ABCC11: variants seen among roughly 807,000 people sequenced by gnomAD.
ABCC11 encodes the protein ATP binding cassette subfamily C member 11, also known as ATP-binding cassette sub-family C member 11.
A neutral mutation model predicts 149.3 loss-of-function variants in ABCC11; 135 were observed. The ratio of observed to expected loss-of-function variants is 0.90; its 90% CI spans 0.79 to 1.04. The LOEUF is 1.04. Ranked by LOEUF, ABCC11 falls within the 50% of genes least tolerant of loss-of-function variation. The probability of loss-of-function intolerance (pLI) is 0.00; values close to 1 mark genes in which losing one functional copy is unlikely to be tolerated. For synonymous variants in ABCC11, 665 were observed against 671.4 expected (o/e 0.99, Z 0.15); for missense variants, 1,680 against 1,722.1 (o/e 0.98, Z 0.43).
At chr16:48,178,259 T>C (rs980170105) in intron 24 of ABCC11, among the ~76,000 whole-genome samples, 37 of 152,232 alleles carry the variant, frequency 2.4e-4, no homozygotes, top group African/African-American at 7.2e-4. Flanking sequence ...ATCTGTGCTC[T>C]TAACCACCAT....
At chr16:48,225,850 A>G (rs1394490115) in intron 4 of ABCC11, among the ~76,000 whole-genome samples, 3 of 152,210 alleles carry the variant, frequency 2.0e-5, no homozygotes, top group African/African-American at 7.2e-5. Context: ...TAGTTTGCGT[A>G]TATAGTGAGA....
At chr16:48,194,095 C>T (rs1967172634) in intron 18 of ABCC11, 113 bp from the exon 19 acceptor site, 2 of 714,476 alleles carry the variant, frequency 2.8e-6, no homozygotes, top group African/African-American at 1.8e-5. Flanking sequence ...TTGAGCCCCA[C>T]CCAATGTGGA....
chr16:48,213,433 G>A lies in ABCC11; in HGVS notation c.1356+10C>T. The A allele has an allele frequency of 6.2e-7, 1 of 1,608,952 alleles. No homozygotes were observed. The highest frequency in any genetic ancestry group is 1.3e-5 in the African/African-American group (1 of 74,830). On this transcript the variant is annotated intron_variant, in intron 10 of 29. Transcript: ENST00000356608. ...GCAGGGGGCCTACAGCCAGTCCCCT[G>A]ATGACCTACCTTGAACCTCATCACT...
Position 48,205,420 on chromosome 16 carries a change from T to C in ABCC11, c.1798A>G (p.Lys600Glu), listed in dbSNP as rs751465756. Reference sequence around the variant, plus strand: ...CCCCTCCCAGGAGCTTACCGGGCCTTGTCATATGCGCCTCCCATGAGGATG... The same window carrying C: ...CCCCTCCCAGGAGCTTACCGGGCCTCGTCATATGCGCCTCCCATGAGGATG... ...ENILMGGAYD[K>E]ARYLQVLHCC... The change falls in exon 13 of 30, where the codon AAG (lysine) becomes GAG (glutamate). Residue 600 changes from lysine to glutamate, a missense_variant. Lys to Glu is a moderately conservative substitution (Grantham distance 56). Coordinates refer to ENST00000356608, the MANE Select transcript of ABCC11 (RefSeq NM_001370497.1). 1.2e-6 allele frequency: 2 copies of C among 1,614,172 alleles called. No homozygotes were observed. Among genetic ancestry groups the C allele is most frequent in the Non-Finnish European group, 1.7e-6 (2 of 1,180,016 alleles).
chr16:48,234,291 G>T (rs566664376), intron 1 of ABCC11, among the ~76,000 whole-genome samples: 6 of 152,198 alleles, frequency 3.9e-5, no homozygotes, highest in Non-Finnish European at 5.9e-5. Flanking sequence ...ACAGCAAAAG[G>T]TAGCAAAATA....
rs750609137 is a variant in ABCC11, at chr16:48,193,912, C to T, written c.2475G>A (p.Trp825Ter). ...CCTGCTCCAACCAGTAGCTCAGCCA[C>T]CAGAAGCTGAAGATCGTTAAGAAGA... ...LIVFLTIFSF[W>*]WLSYWLEQGS... Residue 825 changes from tryptophan (W) to a stop codon, truncating the protein, a stop_gained, in exon 19 of 30, where the codon TGG (tryptophan) becomes TGA (stop). Coordinates refer to ENST00000356608, the MANE Select transcript of ABCC11 (RefSeq NM_001370497.1). LOFTEE classifies it high-confidence loss of function. 2 of 1,614,018 alleles carry T rather than the reference C, an allele frequency of 1.2e-6. No homozygotes were observed. Among genetic ancestry groups the T allele is most frequent in the African/African-American group, 1.3e-5 (1 of 75,022 alleles).
chr16:48,244,450 G>A (rs1261804577), intron 1 of ABCC11: 1 of 1,595,382 alleles, frequency 6.3e-7, no homozygotes, highest in Non-Finnish European at 8.5e-7. Flanking sequence ...ACCCACGAGG[G>A]CGTCCTGCTG....
intron 20 of ABCC11, 97 bp from the exon 21 acceptor site, chr16:48,187,524 G>T: frequency 4.0e-6 from 4 of 1,009,488 alleles, no homozygotes; most frequent in Non-Finnish European, 5.9e-6. Flanking sequence ...AAAGAGCCAC[G>T]GATCCCAGGG....
intron 11 of ABCC11, 163 bp downstream of exon 11, chr16:48,210,785 A>C: frequency 2.0e-6 from 2 of 1,016,172 alleles, no homozygotes; most frequent in Non-Finnish European, 2.8e-6. Flanking sequence ...AAAATGAACG[A>C]TATCCTGTGT....
chr16:48,200,356 C>T lies in ABCC11; in HGVS notation c.2002G>A (p.Val668Met), dbSNP rs200200325. 4.8e-5 allele frequency: 77 copies of T among 1,614,156 alleles called. No individual in the cohort carries two copies. Among genetic ancestry groups the T allele is most frequent in the Non-Finnish European group, 4.7e-5 (55 of 1,180,050 alleles). Residue 668 changes from valine (V) to methionine (M), a missense_variant, in exon 15 of 30, where the codon GTG becomes ATG. Transcript: ENST00000356608. ...CACTCCTCAAAAATGTGCTTCCCCA[C>T]GTGGGCGTCCACAGCAGACAGGGGG... ...DDPLSAVDAH[V>M]GKHIFEECIK...
intron 28 of ABCC11, among the ~76,000 whole-genome samples, chr16:48,169,784 G>A (rs1965580335): frequency 9.8e-6 from 1 of 102,066 alleles, no homozygotes; most frequent in South Asian, 4.2e-4. Context: ...GGGGAGGGGG[G>A]AGGGATAGCA....
intron 28 of ABCC11, among the ~76,000 whole-genome samples, chr16:48,169,773 G>C (rs77508947): frequency 8.9e-6 from 1 of 112,042 alleles, no homozygotes; most frequent in Non-Finnish European, 1.7e-5. Context: ...TCGTGGGGTG[G>C]GGGGAGGGGG....
intron 26 of ABCC11, among the ~76,000 whole-genome samples, chr16:48,171,560 T>C (rs749922200): frequency 5.3e-5 from 8 of 152,252 alleles, no homozygotes; most frequent in Admixed American, 2.6e-4. Context: ...TATTGTGTGA[T>C]AGAAAGTACA....
chr16:48,178,565 C>G (rs1446623871), intron 24 of ABCC11, 32 bp downstream of exon 24: 1 of 1,606,910 alleles, frequency 6.2e-7, no homozygotes, highest in African/African-American at 1.3e-5. Flanking sequence ...ACTTGCATGG[C>G]TCCCCACACC....
chr16:48,187,839 G>A (rs1053805351), intron 20 of ABCC11, among the ~76,000 whole-genome samples: 5 of 152,162 alleles, frequency 3.3e-5, no homozygotes, highest in Non-Finnish European at 7.4e-5. Context: ...TCAGAGCAGT[G>A]CCTGCCCCTG....
intron 13 of ABCC11, 94 bp from the exon 14 acceptor site, chr16:48,203,394 T>C (rs1968169618): frequency 8.4e-7 from 1 of 1,191,940 alleles, no homozygotes; most frequent in Non-Finnish European, 1.2e-6. Flanking sequence ...ATTTTCATGC[T>C]AAGAAATTTA....
In ABCC11 at chr16:48,205,429, C is replaced by A; in HGVS notation, c.1789G>T (p.Ala597Ser). Residue 597 changes from alanine to serine, a missense_variant, in exon 13 of 30, where the codon GCA becomes TCA. By Grantham distance (99) the Ala-to-Ser change is moderately conservative. Coordinates refer to ENST00000356608, the MANE Select transcript of ABCC11 (RefSeq NM_001370497.1). ...GGAGCTTACCGGGCCTTGTCATATG[C>A]GCCTCCCATGAGGATGTTCTCCCTG... is the stretch of plus-strand genomic sequence containing the variant. ...NIRENILMGG[A>S]YDKARYLQVL... The A allele has an allele frequency of 1.9e-6, 3 of 1,614,172 alleles. No individual in the cohort carries two copies. The highest frequency in any genetic ancestry group is 2.5e-6 in the Non-Finnish European group (3 of 1,180,004).
rs1196253493 is a variant in ABCC11 at position 48,194,013 on chromosome 16, G to A, written c.2405-31C>T. On this transcript the variant is annotated intron_variant, in intron 18 of 29. Coordinates refer to ENST00000356608, the MANE Select transcript of ABCC11 (RefSeq NM_001370497.1). ...AGGGAGACAGTGGTGATGTACAAGTGCCACAAACAGGTGCGAGGCAACTGC... is the reference window on the plus strand; with the variant it reads ...AGGGAGACAGTGGTGATGTACAAGTACCACAAACAGGTGCGAGGCAACTGC... 9.1e-6 allele frequency: 14 copies of A among 1,536,500 alleles called. No homozygotes were observed. In the Admixed American group the frequency reaches 2.2e-4, roughly 24 times the overall value.
intron 23 of ABCC11, among the ~76,000 whole-genome samples, chr16:48,181,012 G>T (rs1966393789): frequency 6.6e-6 from 1 of 152,204 alleles, no homozygotes. Flanking sequence ...TTGAGCAACC[G>T]CCTGCTGTGA....
Sources: allele counts gnomAD v4.1 joint callset (sites outside exome capture counted in the v4.1 genomes callset), GRCh38; gene constraint gnomAD v4.1.1; transcripts MANE v1.5; gene names NCBI Gene and HGNC (gene_info 2026-07-23, HGNC 2026-07-21).